SYNDIG1L: variants seen among roughly 807,000 people sequenced by gnomAD.
SYNDIG1L encodes the protein synapse differentiation-inducing gene protein 1-like.
In SYNDIG1L, 13 loss-of-function variants were observed where a neutral mutation model predicts 20.1. The observed-to-expected ratio is 0.65, with a 90% CI of 0.42 to 1.03. SYNDIG1L has a LOEUF of 1.03. SYNDIG1L is among the 50% of genes least tolerant of loss of function. The probability of loss-of-function intolerance (pLI) is 0.00; values close to 1 mark genes in which losing one functional copy is unlikely to be tolerated. For missense variants in SYNDIG1L, 294 were observed against 305.1 expected, an observed-to-expected ratio of 0.96 and a Z score of 0.27; for synonymous variants, 128 against 129.3, an observed-to-expected ratio of 0.99 and a Z score of 0.07.
At chr14:74,439,114 CA>C in the SYNDIG1L span, among the ~76,000 whole-genome samples, 3,833 of 65,146 alleles carry the variant, frequency 0.059, 129 homozygotes, top group African/African-American at 0.17. Flanking sequence ...AACTCTGTCT[CA>C]AAAAAAAAAA....
intron 1 of SYNDIG1L, among the ~76,000 whole-genome samples, chr14:74,413,566 A>G (rs1187884711): frequency 7.8e-6 from 1 of 127,774 alleles, no homozygotes; most frequent in African/African-American, 2.9e-5. Context: ...GGTGCTTTTC[A>G]TTTTCTTTTT....
chr14:74,479,503 G>A, the SYNDIG1L span: 1 of 152,530 alleles, frequency 6.6e-6, no homozygotes, highest in Non-Finnish European at 1.5e-5. Flanking sequence ...CTTTAAGATA[G>A]GAAACTCCAA....
chr14:74,415,293 C>A (rs982940215), intron 1 of SYNDIG1L, among the ~76,000 whole-genome samples: 7 of 152,174 alleles, frequency 4.6e-5, no homozygotes, highest in Non-Finnish European at 1.5e-5. Flanking sequence ...TGTCTCAGGG[C>A]AGGAGTTCTC....
the SYNDIG1L span, among the ~76,000 whole-genome samples, chr14:74,467,838 A>T: frequency 6.6e-6 from 1 of 152,120 alleles, no homozygotes; most frequent in South Asian, 2.1e-4. Context: ...AGGCAGACAC[A>T]GTTCAGAGAA....
the SYNDIG1L span, chr14:74,476,671 A>G: frequency 1.6e-5 from 18 of 1,126,264 alleles, no homozygotes; most frequent in Non-Finnish European, 2.0e-5. Context: ...CACATTGCCC[A>G]CCCTCTTCCA....
the SYNDIG1L span, among the ~76,000 whole-genome samples, chr14:74,477,065 C>A: frequency 8.3e-5 from 4 of 47,984 alleles, no homozygotes; most frequent in South Asian, 8.8e-4. Flanking sequence ...CACACACACA[C>A]ACACACACAC....
At chr14:74,477,584 A>G in the SYNDIG1L span, among the ~76,000 whole-genome samples, 3 of 152,078 alleles carry the variant, frequency 2.0e-5, no homozygotes, top group Admixed American at 6.6e-5. Context: ...AAAACCAAAT[A>G]TGCAGGATTT....
At chr14:74,475,259 G>T in the SYNDIG1L span, among the ~76,000 whole-genome samples, 7 of 151,380 alleles carry the variant, frequency 4.6e-5, no homozygotes, top group African/African-American at 1.7e-4. Flanking sequence ...TACTTATTAT[G>T]CGTCAGGTAC....
At chr14:74,461,286 G>A in the SYNDIG1L span, among the ~76,000 whole-genome samples, 1 of 152,042 alleles carries the variant, frequency 6.6e-6, no homozygotes, top group Non-Finnish European at 1.5e-5. Context: ...AGAATTTTCT[G>A]TTTCCTGAGC....
intron 1 of SYNDIG1L, among the ~76,000 whole-genome samples, chr14:74,419,962 G>A (rs1053145856): frequency 6.6e-6 from 1 of 152,076 alleles, no homozygotes; most frequent in African/African-American, 2.4e-5. Context: ...GCACTGGGGA[G>A]CCAGTGATGG....
chr14:74,443,321 T>C, the SYNDIG1L span, among the ~76,000 whole-genome samples: 1 of 152,144 alleles, frequency 6.6e-6, no homozygotes, highest in Non-Finnish European at 1.5e-5. Flanking sequence ...GGAACAATGA[T>C]AAAAGGTCAA....
At chr14:74,465,433 A>C in the SYNDIG1L span, among the ~76,000 whole-genome samples, 1 of 152,136 alleles carries the variant, frequency 6.6e-6, no homozygotes, top group South Asian at 2.1e-4. Context: ...CATTGCCTGG[A>C]GAGTGGAGAG....
upstream of SYNDIG1L, among the ~76,000 whole-genome samples, chr14:74,428,100 G>A (rs2086279757): frequency 6.6e-6 from 1 of 152,382 alleles, no homozygotes; most frequent in East Asian, 1.9e-4. Context: ...GCCCTGGCCT[G>A]GTGCCAGGAG....
At chr14:74,472,893 G>A in the SYNDIG1L span, among the ~76,000 whole-genome samples, 2 of 152,206 alleles carry the variant, frequency 1.3e-5, no homozygotes, top group African/African-American at 4.8e-5. Context: ...AAGAAGTGGT[G>A]TAATGTGGGC....
At chr14:74,456,864 T>C in the SYNDIG1L span, among the ~76,000 whole-genome samples, 1 of 151,990 alleles carries the variant, frequency 6.6e-6, no homozygotes, top group Non-Finnish European at 1.5e-5. Flanking sequence ...TGGAGGGAAG[T>C]CACTCAGTTC....
At chr14:74,408,945 C>T (rs1219369103) in intron 2 of SYNDIG1L, among the ~76,000 whole-genome samples, 1 of 152,124 alleles carries the variant, frequency 6.6e-6, no homozygotes, top group Non-Finnish European at 1.5e-5. Flanking sequence ...ATCGGCTGTA[C>T]ATGTGTCCCA....
chr14:74,431,640 A>AT, the SYNDIG1L span, among the ~76,000 whole-genome samples: 94 of 152,110 alleles, frequency 6.2e-4, 1 homozygote, highest in African/African-American at 1.8e-3. Flanking sequence ...GCCAAAGCTG[A>AT]TTTTTTCCCC....
In SYNDIG1L at chr14:74,407,413, C is replaced by G. The variant is rs941675329; in HGVS notation, c.*122G>C. On this transcript the variant is annotated 3_prime_UTR_variant, in exon 4 of 4. Transcript: ENST00000331628. ...CAGGCTGTGGAATGGGGGTCTCCCCCTCAGCAAGCCACTCTCACGGGATCA... is the reference window on the plus strand; with the variant it reads ...CAGGCTGTGGAATGGGGGTCTCCCCGTCAGCAAGCCACTCTCACGGGATCA... 8 of 1,395,050 alleles carry G rather than the reference C, an allele frequency of 5.7e-6. No homozygotes were observed. The highest frequency in any genetic ancestry group is 1.4e-5 in the African/African-American group (1 of 70,664). The allele number at this position is 1,395,050 out of a possible 1,614,324, so 86.4% of individuals were successfully genotyped here.
intron 1 of SYNDIG1L, among the ~76,000 whole-genome samples, chr14:74,416,073 G>T (rs1162984499): frequency 6.6e-6 from 1 of 152,086 alleles, no homozygotes; most frequent in Admixed American, 6.5e-5. Flanking sequence ...AGGGCTGGGG[G>T]GAGAGGAGGG....
Sources: allele counts gnomAD v4.1 joint callset (sites outside exome capture counted in the v4.1 genomes callset), GRCh38; gene constraint gnomAD v4.1.1; transcripts MANE v1.5; gene names NCBI Gene and HGNC (gene_info 2026-07-23, HGNC 2026-07-21).